The following THBS2 variants were observed in gnomAD, a reference collection of about 807,000 sequenced individuals.
The protein encoded by THBS2 is thrombospondin-2.
THBS2 carries 47 observed loss-of-function variants against 135.2 expected under a neutral mutation model. The observed-to-expected ratio is 0.35, with a 90% CI of 0.28 to 0.44. The LOEUF (loss-of-function observed/expected upper bound fraction) is 0.44. Ranked by LOEUF, THBS2 falls within the 20% of genes least tolerant of loss-of-function variation. The pLI is 1.00. For synonymous variants in THBS2, 639 were observed against 633.8 expected, an observed-to-expected ratio of 1.01 and a Z score of -0.12; for missense variants, 1,288 against 1,603.1, an observed-to-expected ratio of 0.80 and a Z score of 3.36.
At chr6:169,243,507 G>C (rs1431373473) in intron 4 of THBS2, among the ~76,000 whole-genome samples, 1 of 152,206 alleles carries the variant, frequency 6.6e-6, no homozygotes, top group East Asian at 1.9e-4. Context: ...AGCGCTGTCA[G>C]GCATTCCGTG....
At chr6:169,226,393 CT>C in intron 15 of THBS2, 95 bp from the exon 16 acceptor site, 1 of 832,336 alleles carries the variant, frequency 1.2e-6, no homozygotes, top group Non-Finnish European at 2.0e-6. Flanking sequence ...CACGAAATTG[CT>C]TACAGCCACA....
intron 4 of THBS2, among the ~76,000 whole-genome samples, chr6:169,242,938 A>C (rs1346452680): frequency 2.3e-5 from 1 of 43,468 alleles, no homozygotes; most frequent in Non-Finnish European, 4.4e-5. Context: ...CCACCTTCCC[A>C]CCTTCCCACC....
At chr6:169,219,929 T>G (rs1779364211) in intron 21 of THBS2, 3 of 594,550 alleles carry the variant, frequency 5.0e-6, no homozygotes, top group South Asian at 4.9e-5. Context: ...TAGGAAACTC[T>G]AGGCTATGGC....
In THBS2 at chr6:169,232,148, C is replaced by T; in HGVS notation, c.1983G>A (p.Lys661=). 6.2e-7 allele frequency: 1 copy of T among 1,614,108 alleles called. No homozygotes were observed. The change falls in exon 13 of 22, where the codon AAG becomes AAA. Residue 661 remains lysine (K), a synonymous_variant. Coordinates refer to ENST00000617924, the MANE Select transcript of THBS2 (RefSeq NM_003247.5). ...PCKDKTHNCH[K]HAECIYLGHF... ...GGCCCAGGTAGATGCACTCCGCGTGCTTGTGGCAGTTGTGTGTCTTGTCCT... is the reference window on the plus strand; with the variant it reads ...GGCCCAGGTAGATGCACTCCGCGTGTTTGTGGCAGTTGTGTGTCTTGTCCT...
At chr6:169,220,151 C>G (rs1352393025) in intron 21 of THBS2, 47 bp downstream of exon 21, 9 of 1,595,026 alleles carry the variant, frequency 5.6e-6, no homozygotes, top group Admixed American at 5.1e-5. Flanking sequence ...CTTTCCCTTT[C>G]TGGGTGCCAC....
intron 14 of THBS2, 127 bp from the exon 15 acceptor site, chr6:169,228,408 C>T (rs1273673869): frequency 8.3e-7 from 1 of 1,211,466 alleles, no homozygotes; most frequent in Non-Finnish European, 1.1e-6. Flanking sequence ...AACACAAAAG[C>T]CAGTTAGGGC....
chr6:169,244,167 T>G (rs867814975), intron 4 of THBS2, among the ~76,000 whole-genome samples: 143 of 93,888 alleles, frequency 1.5e-3, no homozygotes, highest in African/African-American at 5.7e-3. Flanking sequence ...TCTCTGTGTT[T>G]TTTTTTTTTT....
At chr6:169,246,327 C>G in intron 3 of THBS2, 46 bp from the exon 4 acceptor site, 4 of 1,452,412 alleles carry the variant, frequency 2.8e-6, no homozygotes, top group Non-Finnish European at 3.9e-6. Context: ...GATAAACATC[C>G]AATGTTTGAT....
chr6:169,218,295 ATGGG>A (rs1393521860), intron 21 of THBS2, among the ~76,000 whole-genome samples: 37 of 138,778 alleles, frequency 2.7e-4, no homozygotes, highest in African/African-American at 9.4e-4. Flanking sequence ...GATGGATGAA[ATGGG>A]TGGGTGGATG....
intron 21 of THBS2, among the ~76,000 whole-genome samples, chr6:169,218,647 GGTGAA>G (rs1433845673): frequency 1.2e-4 from 11 of 93,698 alleles, no homozygotes; most frequent in Admixed American, 3.0e-4. Context: ...TGGATGGTTG[GGTGAA>G]TGGATGAGAT....
chr6:169,232,668 T>G lies in THBS2; in HGVS notation c.1928A>C (p.Lys643Thr), dbSNP rs375353761. Residue 643 changes from lysine (K) to threonine (T), a missense_variant, in exon 12 of 22, where the codon AAG (lysine) becomes ACG (threonine). This residue lies in a region of THBS2 where 874 missense variants were observed against 1,156.1 expected (regional missense o/e 0.76). Transcript: ENST00000617924. ...GVGLEAAKTE[K>T]QVCEPENPCK... ...AGGAAGGCCGGCCTTGCGTACTTGC[T>G]TTTCCGTCTTGGCTGCTTCCAGGCC... 9.4e-6 allele frequency: 15 copies of G among 1,600,290 alleles called. No individual in the cohort carries two copies. In the African/African-American group the frequency reaches 9.4e-5, roughly 10 times the overall value.
chr6:169,223,661 C>T (rs530751602), intron 17 of THBS2, among the ~76,000 whole-genome samples, 186 bp from the exon 18 acceptor site: 14 of 152,296 alleles, frequency 9.2e-5, no homozygotes, highest in African/African-American at 3.1e-4. Flanking sequence ...TTTGACTTCA[C>T]AGGAACCTCA....
At chr6:169,232,493 G>A (rs1779878352) in intron 12 of THBS2, among the ~76,000 whole-genome samples, 171 bp downstream of exon 12, 1 of 152,258 alleles carries the variant, frequency 6.6e-6, no homozygotes, top group South Asian at 2.1e-4. Flanking sequence ...CGCACCCCGC[G>A]CGGAGAGCAG....
At chr6:169,235,272 C>T (rs941691597) in intron 9 of THBS2, among the ~76,000 whole-genome samples, 3 of 151,980 alleles carry the variant, frequency 2.0e-5, no homozygotes, top group Non-Finnish European at 4.4e-5. Context: ...TCCTCCTGCC[C>T]CAGCCTCCCA....
chr6:169,236,325 TCCC>T (rs201536667), intron 9 of THBS2, among the ~76,000 whole-genome samples: 5 of 40,562 alleles, frequency 1.2e-4, no homozygotes, highest in African/African-American at 1.7e-4. Context: ...CCACACTCAC[TCCC>T]CCATCCACAC....
At chr6:169,234,063 A>G (rs1386157910) in intron 10 of THBS2, among the ~76,000 whole-genome samples, 2 of 150,914 alleles carry the variant, frequency 1.3e-5, no homozygotes, top group African/African-American at 2.4e-5. Flanking sequence ...ACCGCTGCCC[A>G]TGCACCATGT....
chr6:169,249,604 C>T (rs957390684), intron 2 of THBS2, among the ~76,000 whole-genome samples: 1 of 152,212 alleles, frequency 6.6e-6, no homozygotes, highest in Non-Finnish European at 1.5e-5. Context: ...ATGTATTCTC[C>T]AACTCTTAAT....
At position 169,215,851 on chromosome 6, in the gene THBS2, G is replaced by T. The variant is rs527489275; in HGVS notation, c.*1971C>A. ...TTTAAAAATGAGGTTCTAGCTAAGT[G>T]CAGGGTTTCAGTGGTGAAATTTTGA... On this transcript the variant is annotated 3_prime_UTR_variant, in exon 22 of 22. Transcript: ENST00000617924. 7.2e-5 allele frequency: 11 copies of T among 152,562 alleles called. No homozygotes were observed. Among genetic ancestry groups the T allele is most frequent in the African/African-American group, 2.2e-4 (9 of 41,514 alleles). 9.5% of individuals were successfully genotyped at this position (152,562 alleles called of 1,614,324 possible). A position where few individuals can be genotyped will look rare whatever the true frequency, so the allele number is the denominator to read the frequency against.
chr6:169,220,449 C>A (rs1426701629), intron 20 of THBS2, 112 bp from the exon 21 acceptor site: 9 of 1,343,654 alleles, frequency 6.7e-6, no homozygotes, highest in Non-Finnish European at 9.2e-6. Context: ...ATACTCCGCC[C>A]AGGGCTTCAG....
Sources: allele counts gnomAD v4.1 joint callset (sites outside exome capture counted in the v4.1 genomes callset), GRCh38; gene constraint gnomAD v4.1.1; regional missense constraint gnomAD v4.1.1; transcripts MANE v1.5; gene names NCBI Gene and HGNC (gene_info 2026-07-23, HGNC 2026-07-21).